The following PNPT1 variants were observed in gnomAD, a reference collection of about 807,000 sequenced individuals.
PNPT1 encodes polyribonucleotide nucleotidyltransferase 1, mitochondrial.
Under a neutral mutation model 119.5 loss-of-function variants are expected in PNPT1, and 53 were observed. The ratio of observed to expected loss-of-function variants is 0.44; its 90% CI spans 0.36 to 0.56. The LOEUF (loss-of-function observed/expected upper bound fraction) is 0.56, where lower values mean the gene tolerates loss of function less well. Ranked by LOEUF, PNPT1 falls within the 20% of genes least tolerant of loss-of-function variation. The pLI is 0.00. For missense variants in PNPT1, 948 were observed against 938.5 expected, an observed-to-expected ratio of 1.01 and a Z score of -0.13; for synonymous variants, 357 against 322.1, an observed-to-expected ratio of 1.11 and a Z score of -1.16.
intron 26 of PNPT1, 94 bp from the exon 27 acceptor site, chr2:55,637,693 C>G: frequency 8.8e-7 from 1 of 1,142,742 alleles, no homozygotes; most frequent in Non-Finnish European, 1.3e-6. Flanking sequence ...ATTAGTTTTT[C>G]TGATTAAAAA....
chr2:55,634,198 T>C lies in PNPT1; in HGVS notation c.*2039A>G, dbSNP rs1438542778. On this transcript the variant is annotated 3_prime_UTR_variant, in exon 28 of 28. Transcript: ENST00000447944. ...CAATGTTTATTGACTTAAAAATCTT[T>C]GGTTTAGCCAGATAAATTTGTAATA... 1.3e-5 allele frequency: 2 copies of C among 152,132 alleles called. No individual in the cohort carries two copies. Among genetic ancestry groups the C allele is most frequent in the Admixed American group, 6.5e-5 (1 of 15,274 alleles). The allele number at this position is 152,132 out of a possible 1,614,324, so 9.4% of individuals were successfully genotyped here. A position where few individuals can be genotyped will look rare whatever the true frequency, so the allele number is the denominator to read the frequency against.
intron 1 of PNPT1, among the ~76,000 whole-genome samples, chr2:55,690,512 C>CA (rs1697562630): frequency 6.6e-6 from 1 of 152,338 alleles, no homozygotes; most frequent in African/African-American, 2.4e-5. Context: ...GATGAAGGAA[C>CA]AACCCTTAAT....
chr2:55,639,937 G>C (rs901139691), intron 26 of PNPT1, among the ~76,000 whole-genome samples: 2 of 152,104 alleles, frequency 1.3e-5, no homozygotes, highest in Admixed American at 1.3e-4. Context: ...GTATAAAAAT[G>C]AGTAGAGATC....
At chr2:55,683,535 C>T (rs1017755390) in intron 5 of PNPT1, among the ~76,000 whole-genome samples, 1 of 150,970 alleles carries the variant, frequency 6.6e-6, no homozygotes, top group Non-Finnish European at 1.5e-5. Context: ...ATCACTTGAA[C>T]CTGGGAGATT....
In PNPT1 at chr2:55,693,806, G is replaced by C. The variant is rs748125779; in HGVS notation, c.18C>G (p.Tyr6Ter). Residue 6 changes from tyrosine (Y) to a stop codon, truncating the protein, a stop_gained, in exon 1 of 28, where the codon TAC (tyrosine) becomes TAG (stop). Coordinates refer to ENST00000447944, the MANE Select transcript of PNPT1 (RefSeq NM_033109.5). LOFTEE classifies it high-confidence loss of function. MAACR[Y>*]CCSCLRLRPL... ...GCCGGAGCCGGAGGCACGAGCAGCA[G>C]TACCTGCAGGCCGCCATGACACCCG... 6.2e-7 allele frequency: 1 copy of C among 1,613,824 alleles called. No homozygotes were observed. Among genetic ancestry groups the C allele is most frequent in the Non-Finnish European group, 8.5e-7 (1 of 1,180,040 alleles).
At chr2:55,678,894 C>A (rs1257557268) in intron 8 of PNPT1, among the ~76,000 whole-genome samples, 1 of 152,150 alleles carries the variant, frequency 6.6e-6, no homozygotes. Context: ...ATTACTTGTA[C>A]AAAAAAGCAG....
intron 17 of PNPT1, 46 bp downstream of exon 17, chr2:55,656,085 G>A: frequency 1.3e-6 from 2 of 1,573,316 alleles, no homozygotes; most frequent in South Asian, 1.2e-5. Context: ...AATAGAATAG[G>A]GAATATGGTC....
chr2:55,656,734 T>G (rs1696399605), intron 15 of PNPT1, among the ~76,000 whole-genome samples: 1 of 152,230 alleles, frequency 6.6e-6, no homozygotes, highest in African/African-American at 2.4e-5. Context: ...TTTTTTTCCA[T>G]AGCAAAGCCC....
intron 17 of PNPT1, among the ~76,000 whole-genome samples, chr2:55,655,418 C>A (rs992587923): frequency 1.3e-5 from 2 of 152,124 alleles, no homozygotes; most frequent in Non-Finnish European, 2.9e-5. Flanking sequence ...CCAAGCCCAG[C>A]CTATCACAAA....
intron 27 of PNPT1, 58 bp downstream of exon 27, chr2:55,637,494 C>A (rs990533796): frequency 1.4e-6 from 2 of 1,467,006 alleles, no homozygotes. Context: ...TTGAAAAAAA[C>A]AATGGAAGCT....
rs766889604 is a variant in PNPT1, at chr2:55,647,460, T to C, written c.1496-7A>G. The C allele has an allele frequency of 3.8e-6, 6 of 1,597,934 alleles. No individual in the cohort carries two copies. Among genetic ancestry groups the C allele is most frequent in the African/African-American group, 1.3e-5 (1 of 74,228 alleles). Reference sequence around the variant, plus strand: ...GCAGATGAAATTGGAACCCCTATAATTGGGAAAAAGAACAACTGTGGGTAA... The same window carrying C: ...GCAGATGAAATTGGAACCCCTATAACTGGGAAAAAGAACAACTGTGGGTAA... On this transcript the variant is annotated splice_polypyrimidine_tract_variant and splice_region_variant and intron_variant, in intron 18 of 27. Coordinates refer to ENST00000447944, the MANE Select transcript of PNPT1 (RefSeq NM_033109.5).
chr2:55,680,655 C>G (rs1287145814), intron 7 of PNPT1, 57 bp downstream of exon 7: 29 of 1,494,704 alleles, frequency 1.9e-5, no homozygotes, highest in Non-Finnish European at 2.7e-5. Context: ...ATGGTCACTA[C>G]TACTTACTGA....
chr2:55,665,420 C>T (rs1341393314), intron 13 of PNPT1, among the ~76,000 whole-genome samples: 1 of 152,090 alleles, frequency 6.6e-6, no homozygotes, highest in Non-Finnish European at 1.5e-5. Context: ...CAGACTACCA[C>T]AGGCAAAGTT....
chr2:55,679,382 T>C (rs1182731815), intron 8 of PNPT1, among the ~76,000 whole-genome samples: 1 of 152,204 alleles, frequency 6.6e-6, no homozygotes, highest in African/African-American at 2.4e-5. Flanking sequence ...AACATAATTA[T>C]TGAAATTATT....
intron 11 of PNPT1, among the ~76,000 whole-genome samples, chr2:55,670,984 G>T (rs1696894742): frequency 6.9e-6 from 1 of 144,752 alleles, no homozygotes; most frequent in Admixed American, 7.0e-5. Flanking sequence ...AAAAAAAAAA[G>T]TCTATTATTT....
intron 10 of PNPT1, 99 bp downstream of exon 10, chr2:55,671,896 A>C: frequency 1.2e-6 from 1 of 822,766 alleles, no homozygotes; most frequent in Non-Finnish European, 1.9e-6. Flanking sequence ...AGAGATTTTT[A>C]ATAAAAATAG....
rs1206554233 is a variant in PNPT1 at position 55,634,332 on chromosome 2, G to C, written c.*1905C>G. 1 of 150,106 alleles carries C rather than the reference G, an allele frequency of 6.7e-6. No individual in the cohort carries two copies. The highest frequency in any genetic ancestry group is 1.5e-5 in the Non-Finnish European group (1 of 67,548). 9.3% of individuals were successfully genotyped at this position (150,106 alleles called of 1,614,324 possible). A position where few individuals can be genotyped will look rare whatever the true frequency, so the allele number is the denominator to read the frequency against. ...GCTGGAGTGCAATGGCGCAATCTCG[G>C]CTCACTGCAACCTCCATTTCCCAGG... On this transcript the variant is annotated 3_prime_UTR_variant, in exon 28 of 28. Transcript: ENST00000447944.
At chr2:55,674,580 G>A (rs1341947370) in intron 8 of PNPT1, among the ~76,000 whole-genome samples, 1 of 152,162 alleles carries the variant, frequency 6.6e-6, no homozygotes, top group African/African-American at 2.4e-5. Context: ...GCGACAGAAT[G>A]AGGCTCCATC....
chr2:55,681,020 A>T, intron 5 of PNPT1, 102 bp from the exon 6 acceptor site: 1 of 873,798 alleles, frequency 1.1e-6, no homozygotes, highest in South Asian at 1.5e-5. Flanking sequence ...GGGGCTTTGT[A>T]GCCAAACCTC....
Sources: gnomAD v4.1 joint callset for allele counts (sites outside exome capture counted in the v4.1 genomes callset) on GRCh38, gnomAD v4.1.1 for gene constraint, MANE v1.5 for transcripts, NCBI Gene and HGNC (gene_info 2026-07-23, HGNC 2026-07-21) for gene names.